Variants in NELL1 observed in about 807,000 individuals in gnomAD.
NELL1 encodes the protein protein kinase C-binding protein NELL1.
Under a neutral mutation model 107.4 loss-of-function variants are expected in NELL1, and 76 were observed. The ratio of observed to expected loss-of-function variants is 0.71; its 90% CI spans 0.59 to 0.86. NELL1 has a LOEUF of 0.86. Ranked by LOEUF, NELL1 falls within the 40% of genes least tolerant of loss-of-function variation. NELL1 has a pLI of 0.00. For synonymous variants in NELL1, 353 were observed against 341.2 expected, an observed-to-expected ratio of 1.03 and a Z score of -0.38; for missense variants, 1,024 against 1,005.5, an observed-to-expected ratio of 1.02 and a Z score of -0.25.
At chr11:20,797,752 C>T (rs1233683600) in intron 3 of NELL1, among the ~76,000 whole-genome samples, 1 of 151,806 alleles carries the variant, frequency 6.6e-6, no homozygotes, top group Non-Finnish European at 1.5e-5. Context: ...AGGGTGATGC[C>T]CAGGGTTCTG....
intron 16 of NELL1, among the ~76,000 whole-genome samples, chr11:21,537,255 C>A (rs568398691): frequency 1.3e-5 from 2 of 152,274 alleles, no homozygotes; most frequent in East Asian, 3.9e-4. Context: ...TTATGGCCTT[C>A]TAATGCCTTC....
chr11:21,470,016 T>A (rs1854132905), intron 15 of NELL1, among the ~76,000 whole-genome samples: 1 of 152,100 alleles, frequency 6.6e-6, no homozygotes, highest in African/African-American at 2.4e-5. Flanking sequence ...AGAATGAAAC[T>A]TGATTAATGA....
rs144789906 is a variant in NELL1, at chr11:20,892,222, C to T, written c.603+6682C>T. Among the ~76,000 whole-genome samples, 595 of 152,222 alleles carry T rather than the reference C, an allele frequency of 3.9e-3. 3 individuals are homozygous for T. The highest frequency in any genetic ancestry group is 0.013 in the African/African-American group (554 of 41,536). On this transcript the variant is annotated intron_variant, in intron 5 of 19. Coordinates refer to ENST00000357134, the MANE Select transcript of NELL1 (RefSeq NM_006157.5). ...CAGGATTAAGAAACTCGCTCAAAAC[C>T]GCACAATTTCATGAAATCTGAACAA...
At chr11:20,699,237 A>G (rs1294605310) in intron 2 of NELL1, among the ~76,000 whole-genome samples, 1 of 151,968 alleles carries the variant, frequency 6.6e-6, no homozygotes, top group Non-Finnish European at 1.5e-5. Flanking sequence ...AAAAAAAACA[A>G]AACAAACAAA....
At chr11:20,686,523 G>A (rs1023491034) in intron 2 of NELL1, among the ~76,000 whole-genome samples, 1 of 152,126 alleles carries the variant, frequency 6.6e-6, no homozygotes, top group Admixed American at 6.6e-5. Context: ...TGTCACTGCC[G>A]GGTGGTTGGA....
At chr11:21,255,404 C>T (rs77718740) in intron 14 of NELL1, among the ~76,000 whole-genome samples, 3,995 of 152,176 alleles carry the variant, frequency 0.026, 67 homozygotes, top group Admixed American at 0.053. Context: ...CTGCTTGAAT[C>T]ATCTACTACA....
At chr11:20,997,119 G>C (rs941690068) in intron 12 of NELL1, among the ~76,000 whole-genome samples, 1 of 152,144 alleles carries the variant, frequency 6.6e-6, no homozygotes, top group Non-Finnish European at 1.5e-5. Context: ...ACATCAAAGT[G>C]TATTTCACAA....
chr11:21,253,820 G>C (rs1053077812), intron 14 of NELL1, among the ~76,000 whole-genome samples: 1 of 152,116 alleles, frequency 6.6e-6, no homozygotes, highest in Non-Finnish European at 1.5e-5. Flanking sequence ...TGCCATTGAA[G>C]AGATTATAAT....
intron 12 of NELL1, among the ~76,000 whole-genome samples, chr11:21,091,241 A>T (rs1854512908): frequency 6.6e-6 from 1 of 152,186 alleles, no homozygotes; most frequent in Admixed American, 6.6e-5. Context: ...CTATTTAAAC[A>T]GCCTAGATAA....
chr11:21,472,208 C>T (rs1854200195), intron 15 of NELL1, among the ~76,000 whole-genome samples: 1 of 151,940 alleles, frequency 6.6e-6, no homozygotes, highest in Non-Finnish European at 1.5e-5. Flanking sequence ...AGCTGTGGCT[C>T]ACTGTTCAGC....
intron 15 of NELL1, among the ~76,000 whole-genome samples, chr11:21,527,852 C>T (rs186854384): frequency 1.6e-3 from 242 of 152,276 alleles, no homozygotes; most frequent in African/African-American, 5.6e-3. Flanking sequence ...CAGTCTAGTC[C>T]TTCCACGTTC....
chr11:20,788,036 T>TA (rs33998670), intron 3 of NELL1, among the ~76,000 whole-genome samples: 85,927 of 152,118 alleles, frequency 0.56, 27,572 homozygotes, highest in East Asian at 0.87. Context: ...CTTATGTCAG[T>TA]AGTTCACTTC....
At chr11:21,180,231 C>T (rs1214570352) in intron 13 of NELL1, among the ~76,000 whole-genome samples, 4 of 151,638 alleles carry the variant, frequency 2.6e-5, no homozygotes, top group East Asian at 3.9e-4. Flanking sequence ...TATATCTTAT[C>T]GTCTGGAAGA....
chr11:21,240,673 T>C (rs1391919917), intron 14 of NELL1, among the ~76,000 whole-genome samples: 2 of 150,418 alleles, frequency 1.3e-5, no homozygotes, highest in African/African-American at 4.9e-5. Flanking sequence ...CAAGATACAA[T>C]ATATGGATTG....
rs1855701796 is a variant in NELL1 at position 20,733,868 on chromosome 11, C to G, written c.185-49812C>G. ...AACAAGAAAAGGGACAGTCTTTGCC[C>G]TCATGGACTTTGCATTCTAGCGTAG... On this transcript the variant is annotated intron_variant, in intron 2 of 19. Coordinates refer to ENST00000357134, the MANE Select transcript of NELL1 (RefSeq NM_006157.5). 2.6e-5 allele frequency among the ~76,000 whole-genome samples: 4 copies of G among 152,236 alleles called. No homozygotes were observed. The South Asian group carries it at 8.3e-4, about 32-fold the overall frequency.
chr11:21,270,432 A>C lies in NELL1; in HGVS notation c.1549+40978A>C, dbSNP rs189855694. Among the ~76,000 whole-genome samples the C allele has an allele frequency of 1.4e-4, 21 of 152,256 alleles. No homozygotes were observed. In the East Asian group the frequency reaches 4.1e-3, roughly 29 times the overall value. On this transcript the variant is annotated intron_variant, in intron 14 of 19. Transcript: ENST00000357134. Reference sequence around the variant, plus strand: ...TTCAAAGCAAGAAAAATTATCAGGGATAAATGGGCATTACATAATTTTAAA... The same window carrying C: ...TTCAAAGCAAGAAAAATTATCAGGGCTAAATGGGCATTACATAATTTTAAA...
At chr11:20,697,437 G>C (rs1181094934) in intron 2 of NELL1, among the ~76,000 whole-genome samples, 1 of 149,956 alleles carries the variant, frequency 6.7e-6, no homozygotes, top group Non-Finnish European at 1.5e-5. Flanking sequence ...CTACCTTTCA[G>C]GAGTTCTGCT....
intron 4 of NELL1, among the ~76,000 whole-genome samples, chr11:20,884,781 G>A (rs957637272): frequency 1.3e-5 from 2 of 152,302 alleles, no homozygotes; most frequent in Non-Finnish European, 2.9e-5. Flanking sequence ...CTCCATGAGA[G>A]TGGGACCTTG....
chr11:20,919,102 ATCCTC>A, intron 6 of NELL1, 145 bp from the exon 7 acceptor site: 2 of 415,542 alleles, frequency 4.8e-6, no homozygotes, highest in Non-Finnish European at 8.6e-6. Flanking sequence ...CAGACCTGAA[ATCCTC>A]TGTGATTTCA....
Sources: allele counts gnomAD v4.1 joint callset (sites outside exome capture counted in the v4.1 genomes callset), GRCh38; gene constraint gnomAD v4.1.1; transcripts MANE v1.5; gene names NCBI Gene and HGNC (gene_info 2026-07-23, HGNC 2026-07-21).